The following PLXDC2 variants were observed in gnomAD, a reference collection of about 807,000 sequenced individuals.
PLXDC2 encodes the protein plexin domain containing 2, also known as plexin domain-containing protein 2.
Under a neutral mutation model 68.9 loss-of-function variants are expected in PLXDC2, and 40 were observed. The ratio of observed to expected loss-of-function variants is 0.58; its 90% CI spans 0.45 to 0.76. PLXDC2 has a LOEUF of 0.76. Among genes scored for constraint, PLXDC2 ranks in the 30% least tolerant of loss-of-function variants. PLXDC2 has a pLI of 0.00. For synonymous variants in PLXDC2, 243 were observed against 234.2 expected (o/e 1.04, Z -0.34); for missense variants, 644 against 661.9 (o/e 0.97, Z 0.30).
At chr10:20,114,938 T>C (rs1833603031) in intron 4 of PLXDC2, among the ~76,000 whole-genome samples, 1 of 152,334 alleles carries the variant, frequency 6.6e-6, no homozygotes, top group African/African-American at 2.4e-5. Flanking sequence ...AGTAAAGCAC[T>C]GAATACAAAG....
At chr10:19,853,092 A>T (rs1837151359) in intron 1 of PLXDC2, among the ~76,000 whole-genome samples, 1 of 152,232 alleles carries the variant, frequency 6.6e-6, no homozygotes, top group African/African-American at 2.4e-5. Flanking sequence ...AAGGTTACAG[A>T]TAAAGATAAT....
intron 1 of PLXDC2, among the ~76,000 whole-genome samples, chr10:19,907,863 C>A (rs774809250): frequency 6.6e-6 from 1 of 152,164 alleles, no homozygotes; most frequent in Admixed American, 6.5e-5. Flanking sequence ...CTCACGCACA[C>A]ACCTCTCATC....
chr10:20,166,876 G>T (rs534185671), intron 7 of PLXDC2, among the ~76,000 whole-genome samples: 1 of 151,860 alleles, frequency 6.6e-6, no homozygotes, highest in Non-Finnish European at 1.5e-5. Context: ...ACGTGTTGGG[G>T]GAAAAATATT....
chr10:20,182,507 C>G (rs1270468882), intron 9 of PLXDC2, among the ~76,000 whole-genome samples: 1 of 151,830 alleles, frequency 6.6e-6, no homozygotes, highest in Non-Finnish European at 1.5e-5. Context: ...TAGATGAAGA[C>G]TTGGGTTGTT....
At chr10:19,951,543 G>A (rs371773926) in intron 1 of PLXDC2, among the ~76,000 whole-genome samples, 3 of 152,286 alleles carry the variant, frequency 2.0e-5, no homozygotes, top group African/African-American at 2.4e-5. Context: ...ATGCTTATAC[G>A]CTGTTGGTGG....
intron 10 of PLXDC2, among the ~76,000 whole-genome samples, chr10:20,214,601 G>A (rs1029734803): frequency 6.6e-6 from 1 of 151,998 alleles, no homozygotes; most frequent in African/African-American, 2.4e-5. Flanking sequence ...TTTTTTGAGT[G>A]GGGAGGGGAA....
At chr10:20,113,044 GT>G in intron 4 of PLXDC2, among the ~76,000 whole-genome samples, 1 of 152,300 alleles carries the variant, frequency 6.6e-6, no homozygotes, top group East Asian at 1.9e-4. Context: ...TTCATGGTTA[GT>G]TTAGCAGGTA....
intron 13 of PLXDC2, among the ~76,000 whole-genome samples, chr10:20,257,420 TTTG>T (rs1263545483): frequency 6.6e-6 from 1 of 152,184 alleles, no homozygotes; most frequent in African/African-American, 2.4e-5. Flanking sequence ...GAGGAAACTT[TTTG>T]TTGTTATTAT....
chr10:19,959,373 C>T (rs958199647), intron 1 of PLXDC2, among the ~76,000 whole-genome samples: 2 of 152,092 alleles, frequency 1.3e-5, no homozygotes, highest in African/African-American at 2.4e-5. Context: ...AAGCCTCATC[C>T]AACTTTACCT....
At chr10:20,160,836 T>C (rs1834281367) in intron 6 of PLXDC2, among the ~76,000 whole-genome samples, 1 of 152,116 alleles carries the variant, frequency 6.6e-6, no homozygotes, top group South Asian at 2.1e-4. Flanking sequence ...TAGATATTTA[T>C]CTGAAATCTG....
chr10:20,033,583 G>A (rs1324266242), intron 2 of PLXDC2, among the ~76,000 whole-genome samples: 1 of 152,166 alleles, frequency 6.6e-6, no homozygotes, highest in African/African-American at 2.4e-5. Flanking sequence ...CGAAGGAAGA[G>A]CAAAGAGATA....
At chr10:19,865,756 A>T (rs1365076395) in intron 1 of PLXDC2, among the ~76,000 whole-genome samples, 1 of 152,226 alleles carries the variant, frequency 6.6e-6, no homozygotes. Context: ...ATGTAGTAGT[A>T]AGCATAAAGT....
Position 20,230,102 on chromosome 10 carries a change from A to T in PLXDC2, c.1312+11000A>T, listed in dbSNP as rs78104698. On this transcript the variant is annotated intron_variant, in intron 12 of 13. Coordinates refer to ENST00000377252, the MANE Select transcript of PLXDC2 (RefSeq NM_032812.9). ...CAGACCAAATACAAACATACTAGTA[A>T]CTATTTCAAATGTAAATAAAATAAA... Among the ~76,000 whole-genome samples, 73 of 152,362 alleles carry T rather than the reference A, an allele frequency of 4.8e-4. No homozygotes were observed. The East Asian group carries it at 0.013, about 27-fold the overall frequency.
At position 20,046,981 on chromosome 10, in the gene PLXDC2, AT is replaced by A; in HGVS notation, c.438del (p.His146GlnfsTer14). ...ATGGAAAAAGATAAAGTGAAGATTC[AT>A]GGAATATTGTCCAATACTCATCGGC... The part of the protein sequence containing the change: ...DQMEKDKVKI[H>X]GILSNTHRQA... On this transcript the variant is annotated frameshift_variant, in exon 3 of 14. Coordinates refer to ENST00000377252, the MANE Select transcript of PLXDC2 (RefSeq NM_032812.9). LOFTEE classifies it high-confidence loss of function. 6.2e-7 allele frequency: 1 copy of A among 1,612,252 alleles called. No individual in the cohort carries two copies. Among genetic ancestry groups the A allele is most frequent in the Non-Finnish European group, 8.5e-7 (1 of 1,179,112 alleles).
At chr10:19,846,564 A>T (rs182750998) in intron 1 of PLXDC2, among the ~76,000 whole-genome samples, 2 of 152,320 alleles carry the variant, frequency 1.3e-5, no homozygotes, top group African/African-American at 4.8e-5. Context: ...GTCCATTACA[A>T]TAAAATTGGT....
intron 1 of PLXDC2, among the ~76,000 whole-genome samples, chr10:19,861,152 A>G (rs565980911): frequency 5.9e-5 from 9 of 151,738 alleles, no homozygotes; most frequent in African/African-American, 1.7e-4. Flanking sequence ...CTCCTGCCTC[A>G]GCCTCCCAAG....
intron 12 of PLXDC2, among the ~76,000 whole-genome samples, chr10:20,244,577 A>G (rs1014379585): frequency 1.3e-5 from 2 of 152,200 alleles, no homozygotes; most frequent in Non-Finnish European, 2.9e-5. Flanking sequence ...TTATGCTTGG[A>G]GTTCATGCAC....
At chr10:19,910,815 C>A (rs1267318741) in intron 1 of PLXDC2, among the ~76,000 whole-genome samples, 1 of 151,762 alleles carries the variant, frequency 6.6e-6, no homozygotes, top group African/African-American at 2.4e-5. Context: ...CCGGGACCAG[C>A]CTAGTGAACA....
chr10:19,871,744 G>A (rs1208257202), intron 1 of PLXDC2, among the ~76,000 whole-genome samples: 2 of 151,972 alleles, frequency 1.3e-5, no homozygotes, highest in African/African-American at 4.8e-5. Flanking sequence ...AAATCCGCCT[G>A]GTGTGGTGGT....
Sources: allele counts gnomAD v4.1 joint callset (sites outside exome capture counted in the v4.1 genomes callset), GRCh38; gene constraint gnomAD v4.1.1; transcripts MANE v1.5; gene names NCBI Gene and HGNC (gene_info 2026-07-23, HGNC 2026-07-21).